Variants in PVT1 observed in about 807,000 individuals in gnomAD.
PVT1 encodes the protein CXCR4/PVT1 fusion.
intron 4 of PVT1, among the ~76,000 whole-genome samples, chr8:128,051,318 A>C (rs879844269): frequency 6.6e-6 from 1 of 152,200 alleles, no homozygotes; most frequent in Non-Finnish European, 1.5e-5. Context: ...GACTGGGGGA[A>C]GTTCTGTGCC....
intron 2 of PVT1, chr8:127,855,393 G>T: frequency 2.5e-6 from 1 of 393,800 alleles, no homozygotes. Context: ...GACCCCAAGG[G>T]GAAACCCTTG....
intron 4 of PVT1, among the ~76,000 whole-genome samples, chr8:128,005,645 A>G (rs1332870358): frequency 3.3e-5 from 5 of 151,678 alleles, no homozygotes; most frequent in Non-Finnish European, 7.4e-5. Flanking sequence ...CTCCTGCTGT[A>G]CTCCCTGCAT....
intron 2 of PVT1, among the ~76,000 whole-genome samples, chr8:127,829,422 A>G (rs2129694758): frequency 6.6e-6 from 1 of 152,294 alleles, no homozygotes; most frequent in African/African-American, 2.4e-5. Flanking sequence ...AATGGTTGGT[A>G]GCCAGTTCTT....
rs113745386 is a variant in PVT1, at chr8:128,095,781, G to A, written n.1115-737G>A. Among the ~76,000 whole-genome samples, 37 of 152,326 alleles carry A rather than the reference G, an allele frequency of 2.4e-4. 2 individuals carry two copies. Among genetic ancestry groups the A allele is most frequent in the African/African-American group, 7.7e-4 (32 of 41,576 alleles). ...ATTTTCCCTTGTTTGTTAGCGTTGC[G>A]GTCAGCCGCAAGTTGAAAACAAGGA... On this transcript the variant is annotated intron_variant and non_coding_transcript_variant, in intron 5 of 10. Transcript: ENST00000651587.
At chr8:128,063,029 C>G (rs150944336) in intron 4 of PVT1, among the ~76,000 whole-genome samples, 229 of 152,254 alleles carry the variant, frequency 1.5e-3, no homozygotes, top group African/African-American at 4.9e-3. Flanking sequence ...AATGCTCTCC[C>G]CAGTGGATTG....
intron 3 of PVT1, among the ~76,000 whole-genome samples, chr8:127,906,141 G>T (rs1815816937): frequency 2.6e-5 from 4 of 152,188 alleles, no homozygotes; most frequent in Admixed American, 2.6e-4. Flanking sequence ...GAGCTGGACT[G>T]GTCTTCCTAA....
chr8:127,933,050 T>C (rs780928228), intron 3 of PVT1, among the ~76,000 whole-genome samples: 2 of 152,192 alleles, frequency 1.3e-5, no homozygotes, highest in Non-Finnish European at 2.9e-5. Context: ...AGATGGGAAT[T>C]AATTTATTAG....
chr8:127,960,686 T>G (rs758326052), intron 3 of PVT1: 1 of 525,646 alleles, frequency 1.9e-6, no homozygotes, highest in South Asian at 1.4e-5. Context: ...AACCCTGTTC[T>G]GGAGTCTGTC....
intron 4 of PVT1, among the ~76,000 whole-genome samples, chr8:128,015,810 T>C (rs1817366821): frequency 6.6e-6 from 1 of 150,916 alleles, no homozygotes; most frequent in African/African-American, 2.4e-5. Flanking sequence ...AGGGTTTTCC[T>C]GGTCATTAGG....
intron 3 of PVT1, among the ~76,000 whole-genome samples, chr8:127,953,056 G>A (rs749678139): frequency 3.3e-5 from 5 of 152,200 alleles, no homozygotes; most frequent in African/African-American, 2.4e-5. Context: ...GAGCCACCGC[G>A]TCCGGCCCGT....
chr8:127,816,278 AC>A (rs1222750095), intron 2 of PVT1, among the ~76,000 whole-genome samples: 1 of 151,920 alleles, frequency 6.6e-6, no homozygotes, highest in Non-Finnish European at 1.5e-5. Context: ...TCCCATGCCT[AC>A]CCCCTGCCCC....
At chr8:127,961,467 A>G (rs1320801192) in intron 3 of PVT1, among the ~76,000 whole-genome samples, 5 of 152,178 alleles carry the variant, frequency 3.3e-5, no homozygotes, top group African/African-American at 1.2e-4. Context: ...GTGTTGTACT[A>G]GGAAATGCGG....
At chr8:127,955,809 T>C (rs909963468) in intron 3 of PVT1, among the ~76,000 whole-genome samples, 4 of 152,134 alleles carry the variant, frequency 2.6e-5, no homozygotes, top group African/African-American at 7.2e-5. Flanking sequence ...GGTCTCAAAC[T>C]CCTAGCCTCA....
chr8:127,933,929 G>C (rs147390434), intron 3 of PVT1, among the ~76,000 whole-genome samples: 1 of 152,204 alleles, frequency 6.6e-6, no homozygotes, highest in African/African-American at 2.4e-5. Context: ...CAAATGAGAT[G>C]GGCATTTGAA....
intron 2 of PVT1, among the ~76,000 whole-genome samples, chr8:127,806,694 C>T (rs1042025211): frequency 6.6e-6 from 1 of 152,206 alleles, no homozygotes; most frequent in Admixed American, 6.5e-5. Flanking sequence ...CCCTTCACAG[C>T]CAGTCTCCTT....
intron 4 of PVT1, among the ~76,000 whole-genome samples, chr8:128,056,618 C>T (rs983121281): frequency 2.0e-5 from 3 of 152,108 alleles, no homozygotes; most frequent in Non-Finnish European, 2.9e-5. Flanking sequence ...TGGGACCTCC[C>T]GAGGCCAATG....
chr8:128,099,172 C>A (rs1167392052), intron 6 of PVT1, among the ~76,000 whole-genome samples: 1 of 152,216 alleles, frequency 6.6e-6, no homozygotes, highest in African/African-American at 2.4e-5. Context: ...CACGTCATTG[C>A]ATATGGCGAC....
rs1312915236 is a variant in PVT1 at position 128,046,147 on chromosome 8, C to A, written n.913-24013C>A. On this transcript the variant is annotated intron_variant and non_coding_transcript_variant, in intron 4 of 10. Transcript: ENST00000651587. ...TCTTGCTCAGATTCATAGCTGCTCA[C>A]CTTTCAGAAGAAATGACAATGCTGA... Among the ~76,000 whole-genome samples the A allele has an allele frequency of 2.0e-5, 3 of 152,210 alleles. No homozygotes were observed. In the South Asian group the frequency reaches 6.2e-4, roughly 31 times the overall value.
intron 4 of PVT1, among the ~76,000 whole-genome samples, chr8:128,054,583 T>A (rs1310498692): frequency 2.0e-5 from 3 of 152,206 alleles, no homozygotes; most frequent in African/African-American, 7.2e-5. Context: ...TTCAACTGTG[T>A]CAGTTCTCCT....
Sources: gnomAD v4.1 joint callset for allele counts (sites outside exome capture counted in the v4.1 genomes callset) on GRCh38, gnomAD v4.1.1 for gene constraint, MANE v1.5 for transcripts, NCBI Gene and HGNC (gene_info 2026-07-23, HGNC 2026-07-21) for gene names.